RASGRF2: variants seen among roughly 807,000 people sequenced by gnomAD.
The protein encoded by RASGRF2 is Ras protein specific guanine nucleotide releasing factor 2.
Under a neutral mutation model 151.0 loss-of-function variants are expected in RASGRF2, and 76 were observed. The observed-to-expected ratio is 0.50, with a 90% CI of 0.42 to 0.61. The LOEUF (loss-of-function observed/expected upper bound fraction) is 0.61. Among genes scored for constraint, RASGRF2 ranks in the 20% least tolerant of loss-of-function variants. The pLI, the probability that RASGRF2 is intolerant of heterozygous loss-of-function variation, is 0.00. For missense variants in RASGRF2, 1,148 were observed against 1,564.6 expected, an observed-to-expected ratio of 0.73 and a Z score of 4.49; for synonymous variants, 504 against 566.5, an observed-to-expected ratio of 0.89 and a Z score of 1.57.
At chr5:81,120,413 C>G (rs1030251467) in intron 15 of RASGRF2, among the ~76,000 whole-genome samples, 2 of 151,706 alleles carry the variant, frequency 1.3e-5, no homozygotes, top group African/African-American at 4.8e-5. Flanking sequence ...CTTGTCTCTA[C>G]TAAAAATAAA....
rs574906652 is a variant in RASGRF2 at position 81,173,844 on chromosome 5, C to T, written c.2687-6331C>T. On this transcript the variant is annotated intron_variant, in intron 17 of 26. Transcript: ENST00000265080. ...CTTACTTGTTTGAAGCCCATCTCCT[C>T]CTGCTTTATAGAGAAAACTTCACGA... Among the ~76,000 whole-genome samples, 253 of 152,324 alleles carry T rather than the reference C, an allele frequency of 1.7e-3. 1 individual carries two copies. The highest frequency in any genetic ancestry group is 2.9e-3 in the Non-Finnish European group (198 of 68,036).
At chr5:81,217,029 C>A in intron 24 of RASGRF2, 1 of 442,810 alleles carries the variant, frequency 2.3e-6, no homozygotes, top group South Asian at 1.7e-5. Flanking sequence ...AAGCTTCTAC[C>A]CCTCAAAAAA....
chr5:81,073,880 G>A (rs1449553422), intron 5 of RASGRF2, among the ~76,000 whole-genome samples: 1 of 152,140 alleles, frequency 6.6e-6, no homozygotes, highest in Non-Finnish European at 1.5e-5. Flanking sequence ...GCCTCCCAAA[G>A]TGCTGAGATT....
In RASGRF2 at chr5:81,163,595, G is replaced by T. The variant is rs140666651; in HGVS notation, c.2687-16580G>T. Among the ~76,000 whole-genome samples the T allele has an allele frequency of 9.9e-5, 15 of 152,182 alleles. No homozygotes were observed. In the South Asian group the frequency reaches 1.2e-3, roughly 13 times the overall value. ...CAGTTTTTGTGCAACATGTGGTCTC[G>T]CTACAAAAGAAACATGCAATTAGAG... is the stretch of plus-strand genomic sequence containing the variant. On this transcript the variant is annotated intron_variant, in intron 17 of 26. Coordinates refer to ENST00000265080, the MANE Select transcript of RASGRF2 (RefSeq NM_006909.3).
chr5:81,110,986 C>A (rs73766194), intron 13 of RASGRF2, among the ~76,000 whole-genome samples: 6,347 of 152,230 alleles, frequency 0.042, 455 homozygotes, highest in African/African-American at 0.14. Context: ...CTCTTTCAGG[C>A]CTGCAGATGA....
chr5:81,155,872 C>A (rs997541450), intron 17 of RASGRF2, among the ~76,000 whole-genome samples: 4 of 152,066 alleles, frequency 2.6e-5, no homozygotes, highest in Non-Finnish European at 5.9e-5. Flanking sequence ...ACTTAGGGCT[C>A]GGGCTAGTTT....
chr5:81,138,796 C>T (rs1219301734), intron 17 of RASGRF2, among the ~76,000 whole-genome samples: 1 of 151,834 alleles, frequency 6.6e-6, no homozygotes, highest in Non-Finnish European at 1.5e-5. Flanking sequence ...TTGTGATGAC[C>T]ATTTCCCTTG....
intron 15 of RASGRF2, 46 bp downstream of exon 15, chr5:81,113,966 C>A: frequency 1.3e-6 from 2 of 1,560,762 alleles, no homozygotes; most frequent in South Asian, 1.2e-5. Flanking sequence ...ATTTGCTGGC[C>A]GCCTGCCTCC....
Position 81,200,941 on chromosome 5 carries a change from C to T in RASGRF2, c.2794-389C>T, listed in dbSNP as rs62364988. On this transcript the variant is annotated intron_variant, in intron 18 of 26. Transcript: ENST00000265080. ...TAGGACAGTGTGAGTGTGTTGGGGG[C>T]GTGGTGTGTGTTGGGGGCGTGGTAC... 4.0e-3 allele frequency among the ~76,000 whole-genome samples: 598 copies of T among 151,102 alleles called. 4 individuals carry two copies. Among genetic ancestry groups the T allele is most frequent in the Non-Finnish European group, 6.6e-3 (449 of 67,766 alleles).
chr5:81,101,636 G>GTCTC (rs538013298), intron 12 of RASGRF2, among the ~76,000 whole-genome samples: 10 of 150,990 alleles, frequency 6.6e-5, no homozygotes, highest in Non-Finnish European at 1.0e-4. Context: ...CTTTCTCTCT[G>GTCTC]TCTCTCTCTC....
intron 1 of RASGRF2, among the ~76,000 whole-genome samples, chr5:81,000,642 G>C (rs999215564): frequency 6.6e-6 from 1 of 152,132 alleles, no homozygotes; most frequent in Non-Finnish European, 1.5e-5. Context: ...AAGTTAATGT[G>C]TCAAGAGCAT....
At chr5:80,995,148 T>C (rs892408267) in intron 1 of RASGRF2, among the ~76,000 whole-genome samples, 41 of 150,638 alleles carry the variant, frequency 2.7e-4, no homozygotes, top group Admixed American at 1.5e-3. Context: ...CCCAGCTACT[T>C]AGGAGGCTGA....
chr5:81,113,312 GTTT>G (rs929413646), intron 14 of RASGRF2: 15 of 601,682 alleles, frequency 2.5e-5, no homozygotes, highest in Admixed American at 1.2e-4. Flanking sequence ...CAATGCTGCT[GTTT>G]GGACCACAGT....
chr5:81,173,623 T>C (rs1354000988), intron 17 of RASGRF2, among the ~76,000 whole-genome samples: 1 of 152,172 alleles, frequency 6.6e-6, no homozygotes, highest in Admixed American at 6.5e-5. Context: ...GTTTACTAGA[T>C]GTGTAACCTT....
intron 17 of RASGRF2, among the ~76,000 whole-genome samples, chr5:81,151,113 T>A (rs1754123105): frequency 6.6e-6 from 1 of 152,242 alleles, no homozygotes; most frequent in African/African-American, 2.4e-5. Context: ...GATAATGATC[T>A]CTGTTTACAA....
At chr5:81,179,423 A>AG (rs1043387815) in intron 17 of RASGRF2, among the ~76,000 whole-genome samples, 4 of 152,364 alleles carry the variant, frequency 2.6e-5, no homozygotes, top group Admixed American at 2.0e-4. Flanking sequence ...CTAACTTGCC[A>AG]GGGTGGGAGA....
At chr5:81,174,757 G>A (rs1754735825) in intron 17 of RASGRF2, among the ~76,000 whole-genome samples, 1 of 152,128 alleles carries the variant, frequency 6.6e-6, no homozygotes, top group African/African-American at 2.4e-5. Context: ...GATGAGTTTG[G>A]GAAAAGAGCA....
intron 24 of RASGRF2, 25 bp from the exon 25 acceptor site, chr5:81,217,331 A>G: frequency 6.3e-7 from 1 of 1,581,840 alleles, no homozygotes; most frequent in Non-Finnish European, 8.6e-7. Context: ...AATGAGTCTC[A>G]GAACAGTGCC....
At chr5:81,139,253 C>G (rs1264580010) in intron 17 of RASGRF2, among the ~76,000 whole-genome samples, 2 of 152,052 alleles carry the variant, frequency 1.3e-5, no homozygotes, top group African/African-American at 2.4e-5. Context: ...TTTTCTACAA[C>G]TTTGCTAAAT....
Sources: gnomAD v4.1 joint callset for allele counts (sites outside exome capture counted in the v4.1 genomes callset) on GRCh38, gnomAD v4.1.1 for gene constraint, MANE v1.5 for transcripts, NCBI Gene and HGNC (gene_info 2026-07-23, HGNC 2026-07-21) for gene names.